The following WDR62 variants were observed in gnomAD, a reference collection of about 807,000 sequenced individuals.
The protein encoded by WDR62 is WD repeat domain 62, also known as WD repeat-containing protein 62.
Under a neutral mutation model 160.6 loss-of-function variants are expected in WDR62, and 112 were observed. The ratio of observed to expected loss-of-function variants is 0.70; its 90% confidence interval spans 0.60 to 0.82. The LOEUF (loss-of-function observed/expected upper bound fraction) is 0.82, where lower values mean the gene tolerates loss of function less well. WDR62 is among the 40% of genes least tolerant of loss of function. WDR62 has a pLI of 0.00. For missense variants in WDR62, 1,819 were observed against 1,983.8 expected, an observed-to-expected ratio of 0.92 and a Z score of 1.58; for synonymous variants, 792 against 815.1, an observed-to-expected ratio of 0.97 and a Z score of 0.48.
chr19:36,085,578 A>G (rs1173559033), intron 12 of WDR62, among the ~76,000 whole-genome samples: 1 of 151,592 alleles, frequency 6.6e-6, no homozygotes, highest in Admixed American at 6.6e-5. Context: ...AGTAGCTGGG[A>G]TTACAGGCAC....
chr19:36,067,678 C>T, intron 6 of WDR62, 150 bp from the exon 7 acceptor site: 1 of 1,059,618 alleles, frequency 9.4e-7, no homozygotes, highest in Non-Finnish European at 1.4e-6. Flanking sequence ...TCCAGCCCCT[C>T]TGTCCAGAGT....
intron 15 of WDR62, 83 bp from the exon 16 acceptor site, chr19:36,090,362 G>A: frequency 2.2e-6 from 3 of 1,342,286 alleles, no homozygotes; most frequent in East Asian, 4.6e-5. Flanking sequence ...GCTTCCAGGG[G>A]AGGGGAGGAC....
At chr19:36,078,616 C>T (rs1339728939) in intron 9 of WDR62, among the ~76,000 whole-genome samples, 5 of 151,804 alleles carry the variant, frequency 3.3e-5, no homozygotes, top group Admixed American at 3.3e-4. Flanking sequence ...AGGTGGATCA[C>T]CTGAGGTCAG....
Position 36,059,138 on chromosome 19 carries a change from C to A in WDR62, c.269+267C>A, listed in dbSNP as rs923783652. ...TCTGGGAAAGACAGGTGATTAAAGT[C>A]CACGCTGTGGTGTCAGGTAACCTGG... On this transcript the variant is annotated intron_variant, in intron 2 of 31. Transcript: ENST00000401500. 18 of 608,448 alleles carry A rather than the reference C, an allele frequency of 3.0e-5. No homozygotes were observed. The Admixed American group carries it at 3.7e-4, about 12-fold the overall frequency. 37.7% of individuals were successfully genotyped at this position (608,448 alleles called of 1,614,324 possible). A position where few individuals can be genotyped will look rare whatever the true frequency, so the allele number is the denominator to read the frequency against.
intron 9 of WDR62, among the ~76,000 whole-genome samples, chr19:36,080,632 A>G (rs947372142): frequency 6.7e-6 from 1 of 148,236 alleles, no homozygotes; most frequent in Non-Finnish European, 1.5e-5. Flanking sequence ...CTAATTGTGT[A>G]TTTTTAGTAG....
At chr19:36,090,618 C>A in intron 16 of WDR62, 98 bp downstream of exon 16, 1 of 1,123,932 alleles carries the variant, frequency 8.9e-7, no homozygotes, top group Non-Finnish European at 1.4e-6. Context: ...TTCCTCAGTG[C>A]ACCGCGCTGC....
At position 36,095,968 on chromosome 19, in the gene WDR62, A is replaced by C. The variant is rs540654864; in HGVS notation, c.2468-1059A>C. Among the ~76,000 whole-genome samples the C allele has an allele frequency of 1.5e-4, 23 of 152,324 alleles. No homozygotes were observed. In the East Asian group the frequency reaches 4.4e-3, roughly 29 times the overall value. On this transcript the variant is annotated intron_variant, in intron 20 of 31. Transcript: ENST00000401500. ...CCATTTAGGTTTTTCCTGATTGCAC[A>C]TCACTGTTAATGAGGCTATGGAGTG... is the stretch of plus-strand genomic sequence containing the variant.
chr19:36,059,255 G>A (rs1970522114), intron 2 of WDR62, among the ~76,000 whole-genome samples: 1 of 152,142 alleles, frequency 6.6e-6, no homozygotes, highest in Non-Finnish European at 1.5e-5. Context: ...TGCTTGCATA[G>A]TTGAGAAGAC....
intron 9 of WDR62, among the ~76,000 whole-genome samples, chr19:36,076,341 C>T (rs1237431605): frequency 1.3e-5 from 2 of 151,850 alleles, no homozygotes; most frequent in African/African-American, 4.8e-5. Context: ...GGGAATTACC[C>T]GAGCCCACGA....
intron 1 of WDR62, 115 bp downstream of exon 1, chr19:36,055,263 C>T (rs1970296622): frequency 2.4e-5 from 27 of 1,141,300 alleles, no homozygotes; most frequent in Non-Finnish European, 2.8e-5. Flanking sequence ...TCAGGTTGTT[C>T]CCTGCCATGC....
chr19:36,082,044 G>A, intron 10 of WDR62: 1 of 358,338 alleles, frequency 2.8e-6, no homozygotes, highest in Non-Finnish European at 5.5e-6. Flanking sequence ...CCCAGTGAGA[G>A]GGCGTCTCTG....
At chr19:36,097,875 T>C (rs928791330) in intron 21 of WDR62, among the ~76,000 whole-genome samples, 2 of 151,670 alleles carry the variant, frequency 1.3e-5, no homozygotes, top group African/African-American at 4.8e-5. Context: ...GCCAACACTT[T>C]GTCTCATAAA....
At chr19:36,091,701 A>G (rs567763074) in intron 18 of WDR62, among the ~76,000 whole-genome samples, 10 of 152,124 alleles carry the variant, frequency 6.6e-5, no homozygotes, top group African/African-American at 2.4e-4. Context: ...GTTCGAGACC[A>G]GCCTGGGCAA....
At chr19:36,059,011 G>A in intron 2 of WDR62, 140 bp downstream of exon 2, 1 of 761,312 alleles carries the variant, frequency 1.3e-6, no homozygotes, top group Admixed American at 2.0e-5. Context: ...TGAGAGCTGT[G>A]GAGAGGATTC....
chr19:36,109,824 C>T (rs1326059673), downstream of WDR62, among the ~76,000 whole-genome samples: 1 of 151,770 alleles, frequency 6.6e-6, no homozygotes, highest in African/African-American at 2.4e-5. Flanking sequence ...GAGGCTGAGC[C>T]GGGCGGATCA....
intron 20 of WDR62, 137 bp downstream of exon 20, chr19:36,094,301 C>G (rs547135334): frequency 8.7e-7 from 1 of 1,153,624 alleles, no homozygotes; most frequent in Non-Finnish European, 1.2e-6. Context: ...TACCTGTAAT[C>G]CCAGCACTTT....
In WDR62 at chr19:36,104,613, G is replaced by A. The variant is rs1317480309; in HGVS notation, c.4249G>A (p.Val1417Met). The A allele has an allele frequency of 6.2e-7, 1 of 1,614,096 alleles. No homozygotes were observed. The highest frequency in any genetic ancestry group is 2.2e-5 in the East Asian group (1 of 44,884). Reference protein sequence around the residue: ...LPPSPLELSRVGNILHRLQTT... With the variant: ...LPPSPLELSRMGNILHRLQTT... Reference sequence around the variant, plus strand: ...CCCATCTCCCCTTGAGCTGAGCAGGGTGGGGAACATCTTGCACAGGCTGCA... The same window carrying A: ...CCCATCTCCCCTTGAGCTGAGCAGGATGGGGAACATCTTGCACAGGCTGCA... The change falls in exon 31 of 32, where the codon GTG becomes ATG. Residue 1417 changes from valine (V) to methionine (M), a missense_variant. By Grantham distance (21) the Val-to-Met change is conservative. Transcript: ENST00000401500.
At position 36,058,671 on chromosome 19, in the gene WDR62, G is replaced by A. The variant is rs549791441; in HGVS notation, c.178-109G>A. 1.5e-4 allele frequency: 119 copies of A among 801,270 alleles called. 1 individual carries two copies. Among genetic ancestry groups the A allele is most frequent in the South Asian group, 8.3e-4 (58 of 69,976 alleles). The allele number at this position is 801,270 out of a possible 1,614,324, so 49.6% of individuals were successfully genotyped here. ...GCTGGTGGATGGCGTGGCCACAGAA[G>A]CTCAGTGTGGGTGTTGAATGTAGCA... On this transcript the variant is annotated intron_variant, in intron 1 of 31. Coordinates refer to ENST00000401500, the MANE Select transcript of WDR62 (RefSeq NM_001083961.2).
intron 18 of WDR62, 98 bp downstream of exon 18, chr19:36,091,563 A>T (rs1462061755): frequency 9.8e-6 from 12 of 1,228,558 alleles, no homozygotes; most frequent in African/African-American, 3.0e-5. Flanking sequence ...CCCAGTTTGG[A>T]TTGTGGGAGT....
Sources: gnomAD v4.1 joint callset for allele counts (sites outside exome capture counted in the v4.1 genomes callset) on GRCh38, gnomAD v4.1.1 for gene constraint, MANE v1.5 for transcripts, NCBI Gene and HGNC (gene_info 2026-07-23, HGNC 2026-07-21) for gene names.